Variants in CENPC observed in about 807,000 individuals in gnomAD.
CENPC encodes centromere protein C.
Under a neutral mutation model 112.1 loss-of-function variants are expected in CENPC, and 63 were observed. That is an observed-to-expected ratio of 0.56 (90% CI 0.46 to 0.69). CENPC has a LOEUF of 0.69. Ranked by LOEUF, CENPC falls within the 30% of genes least tolerant of loss-of-function variation. The pLI is 0.00. For synonymous variants in CENPC, 333 were observed against 367.6 expected (o/e 0.91, Z 1.08); for missense variants, 1,000 against 1,103.8 (o/e 0.91, Z 1.33).
At position 67,543,259 on chromosome 4, in the gene CENPC, TC is replaced by T. The variant is rs200639301; in HGVS notation, c.65+889del. Among the ~76,000 whole-genome samples the T allele has an allele frequency of 6.3e-3, 963 of 152,342 alleles. 11 individuals carry two copies. Among genetic ancestry groups the T allele is most frequent in the African/African-American group, 0.022 (932 of 41,590 alleles). On this transcript the variant is annotated intron_variant, in intron 2 of 18. Transcript: ENST00000273853. ...ATATTCAACCTTCTTAAATCAGGTC[TC>T]TCTGCTACTGACAAATATATGTATT...
chr4:67,534,471 T>A (rs1726657470), intron 4 of CENPC, among the ~76,000 whole-genome samples: 1 of 152,172 alleles, frequency 6.6e-6, no homozygotes. Flanking sequence ...ATTTACTCTC[T>A]TGAGTTTCTT....
At position 67,470,994 on chromosome 4, in the gene CENPC, G is replaced by A. The variant is rs551583440; in HGVS notation, c.*1611C>T. ...GGCAAACTGAAATGATGCATGCACAGGGGAGACTCAAGAGAGCATGGCAAA... is the reference window on the plus strand; with the variant it reads ...GGCAAACTGAAATGATGCATGCACAAGGGAGACTCAAGAGAGCATGGCAAA... On this transcript the variant is annotated 3_prime_UTR_variant, in exon 19 of 19. Transcript: ENST00000273853. 11 of 142,988 alleles carry A rather than the reference G, an allele frequency of 7.7e-5. No individual in the cohort carries two copies. The highest frequency in any genetic ancestry group is 2.7e-4 in the African/African-American group (11 of 40,412). The allele number at this position is 142,988 out of a possible 1,614,324, so 8.9% of individuals were successfully genotyped here.
intron 2 of CENPC, among the ~76,000 whole-genome samples, chr4:67,541,524 T>G (rs1442974744): frequency 6.6e-6 from 1 of 152,218 alleles, no homozygotes; most frequent in East Asian, 1.9e-4. Flanking sequence ...AGCTTGTAGA[T>G]TCACAGCCAG....
intron 17 of CENPC, among the ~76,000 whole-genome samples, chr4:67,479,056 C>T (rs1577970501): frequency 6.6e-6 from 1 of 152,180 alleles, no homozygotes; most frequent in East Asian, 1.9e-4. Context: ...AACACCAGAG[C>T]TCCCAAATTT....
chr4:67,533,099 A>G (rs1049408308), intron 4 of CENPC, among the ~76,000 whole-genome samples: 1 of 152,174 alleles, frequency 6.6e-6, no homozygotes, highest in African/African-American at 2.4e-5. Flanking sequence ...CTGTGTCCCC[A>G]ACCAAATCTC....
chr4:67,479,923 G>C (rs1028391612), intron 17 of CENPC, among the ~76,000 whole-genome samples: 1 of 152,124 alleles, frequency 6.6e-6, no homozygotes, highest in Non-Finnish European at 1.5e-5. Context: ...TAAATTCCTG[G>C]AAATATACAA....
intron 4 of CENPC, among the ~76,000 whole-genome samples, chr4:67,536,782 A>C (rs1726730743): frequency 6.6e-6 from 1 of 151,410 alleles, no homozygotes; most frequent in Admixed American, 6.6e-5. Flanking sequence ...AATAAAATTA[A>C]GAAAAAAATA....
chr4:67,524,216 G>C (rs1028030831), intron 5 of CENPC, among the ~76,000 whole-genome samples: 3 of 152,070 alleles, frequency 2.0e-5, no homozygotes, highest in Non-Finnish European at 4.4e-5. Context: ...TGTCACAATA[G>C]ATTTTGCAGC....
intron 4 of CENPC, among the ~76,000 whole-genome samples, chr4:67,537,872 T>C (rs1278769637): frequency 6.6e-6 from 1 of 151,968 alleles, no homozygotes; most frequent in Admixed American, 6.6e-5. Context: ...TAGTCCTAGG[T>C]AGTCAGCAGG....
intron 12 of CENPC, 106 bp downstream of exon 12, chr4:67,505,099 C>T: frequency 2.6e-6 from 2 of 763,740 alleles, no homozygotes; most frequent in Non-Finnish European, 4.4e-6. Flanking sequence ...GAGGTAGGTA[C>T]TCAATATACA....
intron 18 of CENPC, among the ~76,000 whole-genome samples, chr4:67,473,219 C>A (rs1307972771): frequency 6.6e-6 from 1 of 152,054 alleles, no homozygotes; most frequent in Non-Finnish European, 1.5e-5. Context: ...GCATGAGCCA[C>A]CGCGCCCGGC....
At chr4:67,493,262 TTA>T in intron 14 of CENPC, 1 of 205,690 alleles carries the variant, frequency 4.9e-6, no homozygotes, top group Non-Finnish European at 9.5e-6. Flanking sequence ...GTGGAGGCTT[TTA>T]AAAAAAAAAA....
intron 12 of CENPC, among the ~76,000 whole-genome samples, chr4:67,503,098 C>T (rs1203211422): frequency 6.6e-6 from 1 of 152,270 alleles, no homozygotes; most frequent in African/African-American, 2.4e-5. Flanking sequence ...GCTCAAAACC[C>T]TCTAATGGCT....
At chr4:67,507,499 C>A (rs1458999787) in intron 10 of CENPC, among the ~76,000 whole-genome samples, 2 of 151,964 alleles carry the variant, frequency 1.3e-5, no homozygotes, top group African/African-American at 4.8e-5. Context: ...AACTGTATGC[C>A]AACAAATTAA....
At chr4:67,497,654 C>T (rs1725473878) in intron 12 of CENPC, among the ~76,000 whole-genome samples, 2 of 151,986 alleles carry the variant, frequency 1.3e-5, no homozygotes, top group South Asian at 2.1e-4. Context: ...CGCCTCAGCC[C>T]GCCGAGTAGC....
In CENPC at chr4:67,472,574, T is replaced by A; in HGVS notation, c.*31A>T. 2 of 1,450,088 alleles carry A rather than the reference T, an allele frequency of 1.4e-6. No individual in the cohort carries two copies. The highest frequency in any genetic ancestry group is 1.6e-5 in the South Asian group (1 of 63,550). The allele number at this position is 1,450,088 out of a possible 1,614,324, so 89.8% of individuals were successfully genotyped here. ...AAACTGTTTTTCACATATACATATATACATACATATATTTAAGGTTGGTTG... is the reference window on the plus strand; with the variant it reads ...AAACTGTTTTTCACATATACATATAAACATACATATATTTAAGGTTGGTTG... On this transcript the variant is annotated 3_prime_UTR_variant, in exon 19 of 19. Transcript: ENST00000273853.
chr4:67,516,704 T>C (rs1203546444), intron 7 of CENPC, among the ~76,000 whole-genome samples: 1 of 152,004 alleles, frequency 6.6e-6, no homozygotes, highest in African/African-American at 2.4e-5. Flanking sequence ...AGAAATGATA[T>C]CCTTAGGAAA....
intron 16 of CENPC, 150 bp from the exon 17 acceptor site, chr4:67,490,271 C>G: frequency 2.0e-6 from 1 of 500,524 alleles, no homozygotes; most frequent in South Asian, 6.7e-5. Flanking sequence ...GCTAGAATGC[C>G]AGAGGTCAAA....
At chr4:67,497,001 A>G (rs1012165171) in intron 12 of CENPC, among the ~76,000 whole-genome samples, 1 of 151,050 alleles carries the variant, frequency 6.6e-6, no homozygotes, top group Admixed American at 6.7e-5. Flanking sequence ...AGGCAGTGTC[A>G]GAGTGATACA....
Sources: gnomAD v4.1 joint callset for allele counts (sites outside exome capture counted in the v4.1 genomes callset) on GRCh38, gnomAD v4.1.1 for gene constraint, MANE v1.5 for transcripts, NCBI Gene and HGNC (gene_info 2026-07-23, HGNC 2026-07-21) for gene names.